GABRG3: variants seen among roughly 807,000 people sequenced by gnomAD.
GABRG3 encodes gamma-aminobutyric acid type A receptor subunit gamma3.
In GABRG3, 25 loss-of-function variants were observed where a neutral mutation model predicts 48.8. The ratio of observed to expected loss-of-function variants is 0.51; its 90% confidence interval spans 0.37 to 0.72. The LOEUF (loss-of-function observed/expected upper bound fraction) is 0.72, where lower values mean the gene tolerates loss of function less well. GABRG3 is among the 30% of genes least tolerant of loss of function. The pLI, the probability that GABRG3 is intolerant of heterozygous loss-of-function variation, is 0.00. For synonymous variants in GABRG3, 227 were observed against 217.6 expected (o/e 1.04, Z -0.38); for missense variants, 394 against 577.9 (o/e 0.68, Z 3.26).
chr15:27,382,309 G>A (rs1452848255), intron 5 of GABRG3, among the ~76,000 whole-genome samples: 1 of 152,206 alleles, frequency 6.6e-6, no homozygotes. Context: ...ACCAGATGGA[G>A]ACAAGAGGTA....
intron 3 of GABRG3, among the ~76,000 whole-genome samples, chr15:27,153,882 G>A (rs565406574): frequency 6.6e-6 from 1 of 152,236 alleles, no homozygotes; most frequent in East Asian, 1.9e-4. Flanking sequence ...CTACTCCGAT[G>A]TTTGCTTTCT....
At chr15:27,371,670 G>A (rs1024846946) in intron 5 of GABRG3, among the ~76,000 whole-genome samples, 1 of 152,162 alleles carries the variant, frequency 6.6e-6, no homozygotes, top group African/African-American at 2.4e-5. Context: ...TTTCTTGTTT[G>A]CATCCAAGTC....
intron 6 of GABRG3, among the ~76,000 whole-genome samples, chr15:27,508,165 A>G (rs1403639770): frequency 6.6e-6 from 1 of 152,192 alleles, no homozygotes; most frequent in Admixed American, 6.6e-5. Context: ...GTGATTATTG[A>G]TAAGGTCAGA....
intron 3 of GABRG3, among the ~76,000 whole-genome samples, chr15:27,112,442 A>AT (rs200203617): frequency 0.28 from 39,119 of 137,468 alleles, 7,085 homozygotes; most frequent in African/African-American, 0.51. Context: ...TATTTCATTG[A>AT]TTTTTTTTTT....
intron 3 of GABRG3, among the ~76,000 whole-genome samples, chr15:27,256,164 C>T (rs182796981): frequency 4.6e-5 from 7 of 152,142 alleles, no homozygotes; most frequent in Admixed American, 3.9e-4. Flanking sequence ...ACAGAGGGGC[C>T]GGGTGTGGTG....
chr15:27,368,623 T>A (rs1895292007), intron 5 of GABRG3, among the ~76,000 whole-genome samples: 1 of 152,214 alleles, frequency 6.6e-6, no homozygotes, highest in Non-Finnish European at 1.5e-5. Context: ...GGTTCCATTA[T>A]TGTTACCTCC....
chr15:27,234,056 CT>C (rs1342659638), intron 3 of GABRG3, among the ~76,000 whole-genome samples: 4 of 152,080 alleles, frequency 2.6e-5, no homozygotes, highest in African/African-American at 7.2e-5. Context: ...GACTTTCTTC[CT>C]TTTTTTCTGT....
chr15:27,408,159 C>A (rs1182497235), intron 5 of GABRG3, among the ~76,000 whole-genome samples: 1 of 152,110 alleles, frequency 6.6e-6, no homozygotes, highest in African/African-American at 2.4e-5. Flanking sequence ...TGGGTTGAAT[C>A]TCACACCAGT....
At chr15:27,107,194 T>C (rs1006031529) in intron 3 of GABRG3, among the ~76,000 whole-genome samples, 5 of 152,034 alleles carry the variant, frequency 3.3e-5, no homozygotes, top group Non-Finnish European at 5.9e-5. Flanking sequence ...AGGTGTAGGA[T>C]TTTTATATAT....
chr15:27,249,885 A>G (rs931545895), intron 3 of GABRG3, among the ~76,000 whole-genome samples: 3 of 152,186 alleles, frequency 2.0e-5, no homozygotes, highest in African/African-American at 7.2e-5. Context: ...TAATTACATT[A>G]TCATAATGTG....
chr15:27,035,593 T>G (rs562865970), intron 3 of GABRG3, among the ~76,000 whole-genome samples: 25 of 152,296 alleles, frequency 1.6e-4, no homozygotes, highest in African/African-American at 6.0e-4. Context: ...GGCCCCCTAT[T>G]AGCACATTTG....
chr15:26,998,948 A>G (rs1251812354), intron 2 of GABRG3, among the ~76,000 whole-genome samples: 2 of 152,100 alleles, frequency 1.3e-5, no homozygotes, highest in Non-Finnish European at 2.9e-5. Context: ...TTTCCGTTAA[A>G]TGGGTCTTTA....
At chr15:27,282,814 C>T (rs1891479609) in intron 3 of GABRG3, among the ~76,000 whole-genome samples, 1 of 152,096 alleles carries the variant, frequency 6.6e-6, no homozygotes, top group South Asian at 2.1e-4. Flanking sequence ...CAATTTTATC[C>T]TGAGTATTAT....
At chr15:27,484,162 C>T (rs1042621036) in intron 6 of GABRG3, among the ~76,000 whole-genome samples, 6 of 152,208 alleles carry the variant, frequency 3.9e-5, no homozygotes, top group African/African-American at 1.4e-4. Context: ...TCTCGAACTC[C>T]TGACCTCAGG....
At chr15:27,523,475 C>A (rs888926754) in intron 7 of GABRG3, among the ~76,000 whole-genome samples, 2 of 151,374 alleles carry the variant, frequency 1.3e-5, no homozygotes, top group Non-Finnish European at 3.0e-5. Flanking sequence ...TAAAATTATA[C>A]CAGAAATGTC....
chr15:27,360,880 G>A (rs1895001176), intron 5 of GABRG3, among the ~76,000 whole-genome samples: 1 of 152,248 alleles, frequency 6.6e-6, no homozygotes, highest in Non-Finnish European at 1.5e-5. Flanking sequence ...GTCTGGCCAT[G>A]AGTGGGGGAC....
At position 27,084,319 on chromosome 15, in the gene GABRG3, C is replaced by T. The variant is rs770602499; in HGVS notation, c.270+57498C>T. 6.8e-4 allele frequency among the ~76,000 whole-genome samples: 104 copies of T among 152,280 alleles called. No individual in the cohort carries two copies. In the Middle Eastern group the frequency reaches 0.01, roughly 15 times the overall value. ...TTTTTCATTTTTGCTTCTGAGTTTT[C>T]CAGGCACATTTCTTATTTTTTAGAA... is the stretch of plus-strand genomic sequence containing the variant. On this transcript the variant is annotated intron_variant, in intron 3 of 9. Coordinates refer to ENST00000615808, the MANE Select transcript of GABRG3 (RefSeq NM_033223.5).
At chr15:27,036,271 A>G (rs2140692321) in intron 3 of GABRG3, among the ~76,000 whole-genome samples, 1 of 152,334 alleles carries the variant, frequency 6.6e-6, no homozygotes, top group Admixed American at 6.5e-5. Context: ...AAGCTTCGAC[A>G]TGAGAGCTCC....
intron 3 of GABRG3, among the ~76,000 whole-genome samples, chr15:27,088,072 AGTGT>A (rs540505280): frequency 1.5e-5 from 2 of 137,534 alleles, no homozygotes; most frequent in Admixed American, 1.4e-4. Context: ...GGTGTGCTGC[AGTGT>A]GTGTGTGAGT....
Sources: gnomAD v4.1 joint callset for allele counts (sites outside exome capture counted in the v4.1 genomes callset) on GRCh38, gnomAD v4.1.1 for gene constraint, MANE v1.5 for transcripts, NCBI Gene and HGNC (gene_info 2026-07-23, HGNC 2026-07-21) for gene names.